ST6GALNAC2: variants seen among roughly 807,000 people sequenced by gnomAD.
ST6GALNAC2 encodes ST6 N-acetylgalactosaminide alpha-2,6-sialyltransferase 2.
A neutral mutation model predicts 38.7 loss-of-function variants in ST6GALNAC2; 42 were observed. The ratio of observed to expected loss-of-function variants is 1.09; its 90% CI spans 0.85 to 1.40. ST6GALNAC2 has a LOEUF of 1.40. Ranked by LOEUF, ST6GALNAC2 falls within the 40% of genes most tolerant of loss-of-function variation. The pLI is 0.00. For missense variants in ST6GALNAC2, 506 were observed against 481.7 expected, an observed-to-expected ratio of 1.05 and a Z score of -0.47; for synonymous variants, 233 against 209.0, an observed-to-expected ratio of 1.11 and a Z score of -0.99.
At chr17:76,568,880 A>T in intron 6 of ST6GALNAC2, 84 bp from the exon 7 acceptor site, 1 of 1,358,016 alleles carries the variant, frequency 7.4e-7, no homozygotes, top group South Asian at 1.2e-5. Context: ...AGGGCGCCGG[A>T]GTAGCCGCGG....
intron 6 of ST6GALNAC2, chr17:76,569,430 G>A (rs948795843): frequency 2.6e-5 from 10 of 379,124 alleles, no homozygotes; most frequent in South Asian, 1.4e-4. Context: ...CGCGGGGCAC[G>A]TGTTGGACCT....
Position 76,585,691 on chromosome 17 carries a change from C to G in ST6GALNAC2, c.118G>C (p.Gly40Arg), listed in dbSNP as rs1284933849. 1 of 1,526,288 alleles carries G rather than the reference C, an allele frequency of 6.6e-7. No individual in the cohort carries two copies. The highest frequency in any genetic ancestry group is 8.8e-7 in the Non-Finnish European group (1 of 1,141,188). The allele number at this position is 1,526,288 out of a possible 1,614,324, so 94.5% of individuals were successfully genotyped here. Reference sequence around the variant, plus strand: ...GCGCTCGGCAGCCCCTACCTGGCTCCGGCCGCTGGCCCCGGGTACCGCTGC... The same window carrying G: ...GCGCTCGGCAGCCCCTACCTGGCTCGGGCCGCTGGCCCCGGGTACCGCTGC... The part of the protein sequence containing the change: ...AVQRYPGPAA[G>R]ARDTTSFEAF... The change falls in exon 1 of 9, where the codon GGA becomes CGA. Residue 40 changes from glycine (G) to arginine (R), a missense_variant. Gly to Arg is a moderately radical substitution (Grantham distance 125). Coordinates refer to ENST00000225276, the MANE Select transcript of ST6GALNAC2 (RefSeq NM_006456.3).
intron 8 of ST6GALNAC2, 76 bp downstream of exon 8, chr17:76,567,377 G>C (rs1180344839): frequency 9.5e-7 from 1 of 1,053,394 alleles, no homozygotes; most frequent in Non-Finnish European, 1.5e-6. Flanking sequence ...CGAGGTAAGG[G>C]ATATCAGGGG....
Position 76,573,421 on chromosome 17 carries a change from C to T in ST6GALNAC2, c.362-58G>A. On this transcript the variant is annotated intron_variant, in intron 3 of 8. Coordinates refer to ENST00000225276, the MANE Select transcript of ST6GALNAC2 (RefSeq NM_006456.3). This position sits in a 1 kb window ranked among gnomAD's most constrained non-coding sequence, Gnocchi z 5.1. ...GGGCTGGCATCGGGGGCACCTGGGG[C>T]CTTCCCTAGGCTGGTTCTGGTGCCC... The T allele has an allele frequency of 6.9e-7, 1 of 1,450,178 alleles. No individual in the cohort carries two copies. The highest frequency in any genetic ancestry group is 9.1e-7 in the Non-Finnish European group (1 of 1,096,994). The allele number at this position is 1,450,178 out of a possible 1,614,324, so 89.8% of individuals were successfully genotyped here.
At chr17:76,583,324 C>T (rs1014509296) in intron 1 of ST6GALNAC2, among the ~76,000 whole-genome samples, 1 of 146,054 alleles carries the variant, frequency 6.8e-6, no homozygotes, top group Non-Finnish European at 1.5e-5. Context: ...TGCAGTGAGC[C>T]GAGATGGGGC....
chr17:76,568,450 CTG>C (rs1437565026), intron 7 of ST6GALNAC2: 20 of 505,660 alleles, frequency 4.0e-5, no homozygotes, highest in Admixed American at 6.7e-5. Context: ...AGCTCCCAGT[CTG>C]TGCCTTTGTA....
Position 76,566,118 on chromosome 17 carries a change from G to C in ST6GALNAC2, c.1111C>G (p.Leu371Val), listed in dbSNP as rs1040808024. The C allele has an allele frequency of 2.5e-6, 4 of 1,613,910 alleles. No homozygotes were observed. The highest frequency in any genetic ancestry group is 2.7e-5 in the African/African-American group (2 of 74,926). ...RDLHKAGILQ[L>V]YQR is the part of the protein sequence containing the mutation. Reference sequence around the variant, plus strand: ...GTGCATTGGGGTCAGCGCTGGTACAGCTGAAGGATGCCGGCCTTGTGCAGG... The same window carrying C: ...GTGCATTGGGGTCAGCGCTGGTACACCTGAAGGATGCCGGCCTTGTGCAGG... The change falls in exon 9 of 9, where the codon CTG becomes GTG. Residue 371 changes from leucine (L) to valine (V), a missense_variant. Transcript: ENST00000225276.
rs548481942 is a variant in ST6GALNAC2, at chr17:76,574,446, C to G, written c.280G>C (p.Gly94Arg). ...CAGAGCGCTGGGGTGAAGAGGTCCCCCCACAGCAGCACTGGAATGGAGAGA... is the reference window on the plus strand; with the variant it reads ...CAGAGCGCTGGGGTGAAGAGGTCCCGCCACAGCAGCACTGGAATGGAGAGA... ...FNLSIPVLLW[G>R]DLFTPALWDR... The change falls in exon 3 of 9, where the codon GGG becomes CGG. Residue 94 changes from glycine (G) to arginine (R), a missense_variant. Coordinates refer to ENST00000225276, the MANE Select transcript of ST6GALNAC2 (RefSeq NM_006456.3). The G allele has an allele frequency of 6.2e-4, 1,008 of 1,613,872 alleles. 20 individuals carry two copies. In the South Asian group the frequency reaches 0.011, roughly 17 times the overall value.
chr17:76,567,593 G>T, intron 7 of ST6GALNAC2, 41 bp from the exon 8 acceptor site: 2 of 1,335,742 alleles, frequency 1.5e-6, no homozygotes, highest in Non-Finnish European at 1.1e-6. Flanking sequence ...TAGCTTGATG[G>T]CTATCATCAC....
chr17:76,573,164 C>G lies in ST6GALNAC2; in HGVS notation c.530+31G>C. On this transcript the variant is annotated intron_variant, in intron 4 of 8. Coordinates refer to ENST00000225276, the MANE Select transcript of ST6GALNAC2 (RefSeq NM_006456.3). The surrounding 1 kb of genome is among the most constrained non-coding windows in gnomAD (Gnocchi z 5.1). ...CCCCACCCTCCAGGCAACTCTCCCT[C>G]CCGCCCCTCCCCAGCTCCTACCCCT... The G allele has an allele frequency of 1.5e-6, 2 of 1,343,698 alleles. No homozygotes were observed. The highest frequency in any genetic ancestry group is 2.1e-6 in the Non-Finnish European group (2 of 951,180). The allele number at this position is 1,343,698 out of a possible 1,614,324, so 83.2% of individuals were successfully genotyped here.
chr17:76,574,061 T>C (rs534898857), intron 3 of ST6GALNAC2, among the ~76,000 whole-genome samples: 3 of 152,232 alleles, frequency 2.0e-5, no homozygotes, highest in South Asian at 4.2e-4. Context: ...GTGAGGTGGT[T>C]TGAGGCCCCA....
At chr17:76,581,052 G>T (rs561901839) in intron 1 of ST6GALNAC2, 2 of 152,198 alleles carry the variant, frequency 1.3e-5, no homozygotes, top group African/African-American at 4.8e-5. Flanking sequence ...TGGGTTGGCA[G>T]CTTGCAAGAG....
intron 2 of ST6GALNAC2, among the ~76,000 whole-genome samples, chr17:76,575,759 G>A (rs112349440): frequency 9.2e-5 from 14 of 152,362 alleles, no homozygotes; most frequent in Admixed American, 2.0e-4. Context: ...TTGTCTGCCC[G>A]TGACCCCACA....
At chr17:76,567,374 A>C (rs1161581881) in intron 8 of ST6GALNAC2, 79 bp downstream of exon 8, 5 of 1,018,198 alleles carry the variant, frequency 4.9e-6, no homozygotes, top group Admixed American at 3.6e-5. Flanking sequence ...CTCCGAGGTA[A>C]GGGATATCAG....
At chr17:76,582,164 C>CTTTTTT (rs71158025) in intron 1 of ST6GALNAC2, among the ~76,000 whole-genome samples, 1 of 62,046 alleles carries the variant, frequency 1.6e-5, no homozygotes, top group Non-Finnish European at 2.9e-5. Context: ...CGTGCCCAGC[C>CTTTTTT]TTTTTTTTTT....
chr17:76,571,501 G>A (rs1433307895), intron 5 of ST6GALNAC2, among the ~76,000 whole-genome samples: 2 of 152,230 alleles, frequency 1.3e-5, no homozygotes, highest in Non-Finnish European at 2.9e-5. Context: ...GGCTGAGGCA[G>A]GAGAATCGCT....
intron 5 of ST6GALNAC2, among the ~76,000 whole-genome samples, chr17:76,572,100 C>T (rs1205622481): frequency 6.6e-6 from 1 of 152,082 alleles, no homozygotes; most frequent in Non-Finnish European, 1.5e-5. Flanking sequence ...TGTTCCTGAA[C>T]CTCTCAGCGT....
chr17:76,583,983 A>AT (rs2075512060), intron 1 of ST6GALNAC2, among the ~76,000 whole-genome samples: 1 of 118,464 alleles, frequency 8.4e-6, no homozygotes. Flanking sequence ...AATTTTTTGT[A>AT]TTTTTTAGTA....
At chr17:76,572,584 AG>A in intron 5 of ST6GALNAC2, 52 bp downstream of exon 5, 3 of 1,607,494 alleles carry the variant, frequency 1.9e-6, no homozygotes, top group Non-Finnish European at 2.5e-6. Flanking sequence ...AGGGGACTCC[AG>A]GAACAATGGT....
Sources: allele counts gnomAD v4.1 joint callset (sites outside exome capture counted in the v4.1 genomes callset), GRCh38; gene constraint gnomAD v4.1.1; non-coding constraint Gnocchi (gnomAD v3.1); transcripts MANE v1.5; gene names NCBI Gene and HGNC (gene_info 2026-07-23, HGNC 2026-07-21).